Variants in FASTKD1 observed in about 807,000 individuals in gnomAD.
FASTKD1 encodes the protein FAST kinase domain-containing protein 1, mitochondrial.
In FASTKD1, 94 loss-of-function variants were observed where a neutral mutation model predicts 90.9. The observed-to-expected ratio is 1.03, with a 90% CI of 0.88 to 1.23. The LOEUF is 1.23. FASTKD1 is among the 50% of genes most tolerant of loss of function. The pLI is 0.00. For synonymous variants in FASTKD1, 319 were observed against 345.8 expected (o/e 0.92, Z 0.86); for missense variants, 945 against 993.5 (o/e 0.95, Z 0.66).
In FASTKD1 at chr2:169,569,229, G is replaced by T; in HGVS notation, c.401C>A (p.Pro134Gln). The change falls in exon 3 of 15, where the codon CCG (proline) becomes CAG (glutamine). Residue 134 changes from proline (P) to glutamine (Q), a missense_variant. Physicochemically the swap from Pro to Gln is moderately conservative, Grantham distance 76 (BLOSUM62 -1). Coordinates refer to ENST00000453153, the MANE Select transcript of FASTKD1 (RefSeq NM_024622.6). ...TTCTGTAACTAGTGCTTCAACTAGCGGGTCATGGGCCTCACCAGCAAACCT... is the reference window on the plus strand; with the variant it reads ...TTCTGTAACTAGTGCTTCAACTAGCTGGTCATGGGCCTCACCAGCAAACCT... ...TQQFAGEAHD[P>Q]LVEALVTEAW... The T allele has an allele frequency of 1.9e-6, 3 of 1,613,866 alleles. No individual in the cohort carries two copies. The highest frequency in any genetic ancestry group is 2.2e-5 in the South Asian group (2 of 91,070).
In FASTKD1 at chr2:169,571,782, GTCT is replaced by G. The variant is rs773553895; in HGVS notation, c.245_247del (p.Lys82del). On this transcript the variant is annotated inframe_deletion, in exon 2 of 15. Coordinates refer to ENST00000453153, the MANE Select transcript of FASTKD1 (RefSeq NM_024622.6). ...ATACTCAGCATTTTTTAACAGGCTG[GTCT>G]TCTGCTTTTGAAGCTTCCAAAGCAT... The G allele has an allele frequency of 1.9e-6, 3 of 1,614,080 alleles. No individual in the cohort carries two copies. The highest frequency in any genetic ancestry group is 2.2e-5 in the East Asian group (1 of 44,856).
chr2:169,533,098 C>A (rs946202918), intron 12 of FASTKD1, among the ~76,000 whole-genome samples: 1 of 152,024 alleles, frequency 6.6e-6, no homozygotes, highest in Non-Finnish European at 1.5e-5. Context: ...TTATAGTATG[C>A]CAAATCTAAC....
Position 169,528,638 on chromosome 2 carries a change from A to C in FASTKD1, c.*1187T>G, listed in dbSNP as rs1371124484. ...CTACCCCATTTCTTTGCTTCCATTT[A>C]GGAGAAAATGTATCTCCTCCCATTT... On this transcript the variant is annotated 3_prime_UTR_variant, in exon 15 of 15. Coordinates refer to ENST00000453153, the MANE Select transcript of FASTKD1 (RefSeq NM_024622.6). 6.6e-6 allele frequency among the ~76,000 whole-genome samples: 1 copy of C among 152,214 alleles called. No individual in the cohort carries two copies. Among genetic ancestry groups the C allele is most frequent in the Non-Finnish European group, 1.5e-5 (1 of 68,040 alleles).
chr2:169,546,292 T>C lies in FASTKD1; in HGVS notation c.1627A>G (p.Ile543Val), dbSNP rs776368789. ...YINVGEIASF[I>V]SSTDYLSTLL... ...GTACTGAGGTAATCAGTACTAGAAATAAAAGATGCAATCTCCCCAACATTT... is the reference window on the plus strand; with the variant it reads ...GTACTGAGGTAATCAGTACTAGAAACAAAAGATGCAATCTCCCCAACATTT... Residue 543 changes from isoleucine to valine, a missense_variant, in exon 8 of 15, where the codon ATT becomes GTT. Coordinates refer to ENST00000453153, the MANE Select transcript of FASTKD1 (RefSeq NM_024622.6). 20 of 1,613,698 alleles carry C rather than the reference T, an allele frequency of 1.2e-5. No individual in the cohort carries two copies. Among genetic ancestry groups the C allele is most frequent in the Non-Finnish European group, 1.7e-5 (20 of 1,179,874 alleles).
chr2:169,537,275 T>C lies in FASTKD1; in HGVS notation c.2140A>G (p.Ile714Val). Residue 714 changes from isoleucine to valine, a missense_variant, in exon 12 of 15, where the codon ATC becomes GTC. Transcript: ENST00000453153. ...AGAACCGAGGCTTTTACACAATTGA[T>C]TCCTCCTAGTACCTCTGCTAACATT... The part of the protein sequence containing the change: ...FKMLAEVLGG[I>V]NCVKASVLTP... 1 of 1,613,606 alleles carries C rather than the reference T, an allele frequency of 6.2e-7. No homozygotes were observed. Among genetic ancestry groups the C allele is most frequent in the South Asian group, 1.1e-5 (1 of 91,046 alleles).
chr2:169,558,208 T>A (rs1257446588), intron 5 of FASTKD1, among the ~76,000 whole-genome samples: 2 of 152,236 alleles, frequency 1.3e-5, no homozygotes, highest in East Asian at 3.8e-4. Context: ...GCACTGAGAT[T>A]TTAACAGTAC....
intron 13 of FASTKD1, chr2:169,531,143 A>C (rs1684467182): frequency 3.9e-6 from 3 of 759,786 alleles, no homozygotes; most frequent in Non-Finnish European, 7.3e-6. Context: ...TTCTTTTAGC[A>C]CTTTAGTTAG....
In FASTKD1 at chr2:169,546,434, G is replaced by C. The variant is rs766614992; in HGVS notation, c.1485C>G (p.Asn495Lys). The change falls in exon 8 of 15, where the codon AAC becomes AAG. Residue 495 changes from asparagine to lysine, a missense_variant. By Grantham distance (94) the Asn-to-Lys change is moderately conservative. Transcript: ENST00000453153. ...GTTCCTTCCGTAACAGATCCAAACT[G>C]TTGCTGTGTTGTAGTCTCTGACGAC... ...HYGRQRLQHS[N>K]SLDLLRKELK... 1.2e-6 allele frequency: 2 copies of C among 1,614,048 alleles called. No homozygotes were observed. Among genetic ancestry groups the C allele is most frequent in the Non-Finnish European group, 1.7e-6 (2 of 1,180,036 alleles).
intron 2 of FASTKD1, among the ~76,000 whole-genome samples, chr2:169,570,190 TCAGTGAGA>T (rs1354329576): frequency 6.6e-6 from 1 of 152,214 alleles, no homozygotes; most frequent in Non-Finnish European, 1.5e-5. Flanking sequence ...CTCTTTTTCA[TCAGTGAGA>T]CTAATAAACA....
chr2:169,562,255 C>G (rs528668725), intron 4 of FASTKD1, among the ~76,000 whole-genome samples: 1 of 150,126 alleles, frequency 6.7e-6, no homozygotes, highest in Admixed American at 6.7e-5. Context: ...TGTTTTGAGA[C>G]AGAGTCTTGC....
chr2:169,573,283 T>A (rs993534035), intron 1 of FASTKD1: 4 of 152,274 alleles, frequency 2.6e-5, no homozygotes, highest in African/African-American at 9.7e-5. Context: ...GTCACAAACC[T>A]GCACAAGAAA....
chr2:169,569,307 C>T (rs1400268950), intron 2 of FASTKD1, 55 bp from the exon 3 acceptor site: 6 of 1,489,750 alleles, frequency 4.0e-6, no homozygotes, highest in Admixed American at 1.7e-5. Context: ...TCATTAAAAA[C>T]ATATGCAATA....
At position 169,561,751 on chromosome 2, in the gene FASTKD1, A is replaced by C. The variant is rs1005628059; in HGVS notation, c.573-966T>G. Among the ~76,000 whole-genome samples, 81 of 136,768 alleles carry C rather than the reference A, an allele frequency of 5.9e-4. 1 individual carries two copies. The highest frequency in any genetic ancestry group is 8.9e-4 in the Non-Finnish European group (56 of 62,966). 89.7% of individuals were successfully genotyped at this position (136,768 alleles called of 152,430 possible). On this transcript the variant is annotated intron_variant, in intron 4 of 14. Transcript: ENST00000453153. ...TATTATAAATTAATTATTCATTATA[A>C]ATTATTTATTAATTTATTGTAAATT...
intron 5 of FASTKD1, among the ~76,000 whole-genome samples, chr2:169,558,585 G>C (rs1015809128): frequency 5.9e-5 from 9 of 152,244 alleles, no homozygotes; most frequent in African/African-American, 2.2e-4. Context: ...AAGTAGCTGA[G>C]ATTACAGGTG....
chr2:169,528,549 AG>A lies in FASTKD1; in HGVS notation c.*1275del, dbSNP rs1247278661. Among the ~76,000 whole-genome samples the A allele has an allele frequency of 2.0e-5, 3 of 152,162 alleles. No individual in the cohort carries two copies. Among genetic ancestry groups the A allele is most frequent in the Non-Finnish European group, 2.9e-5 (2 of 68,032 alleles). ...TTATTGAATAAATGTGTTGTAAGAC[AG>A]GGAGAAGCCATTATTCCCTCAATGT... is the stretch of plus-strand genomic sequence containing the variant. On this transcript the variant is annotated 3_prime_UTR_variant, in exon 15 of 15. Coordinates refer to ENST00000453153, the MANE Select transcript of FASTKD1 (RefSeq NM_024622.6).
chr2:169,534,457 T>A (rs545385508), intron 12 of FASTKD1, among the ~76,000 whole-genome samples: 1 of 146,792 alleles, frequency 6.8e-6, no homozygotes, highest in African/African-American at 2.6e-5. Flanking sequence ...GTTGTTTTTT[T>A]TTTTTCTTTT....
At chr2:169,553,847 G>C (rs373629453) in intron 7 of FASTKD1, among the ~76,000 whole-genome samples, 1 of 152,060 alleles carries the variant, frequency 6.6e-6, no homozygotes, top group African/African-American at 2.4e-5. Context: ...GCGTGAACCC[G>C]GGTGGCAGAG....
At chr2:169,551,252 C>G (rs1189043063) in intron 7 of FASTKD1, among the ~76,000 whole-genome samples, 2 of 152,130 alleles carry the variant, frequency 1.3e-5, no homozygotes, top group African/African-American at 4.8e-5. Context: ...TGAGGACATG[C>G]ATACCCTATG....
In FASTKD1 at chr2:169,554,278, T is replaced by TA. The variant is rs58641456; in HGVS notation, c.1214+845dup. Among the ~76,000 whole-genome samples, 33 of 29,812 alleles carry TA rather than the reference T, an allele frequency of 1.1e-3. 2 individuals are homozygous for TA. Among genetic ancestry groups the TA allele is most frequent in the African/African-American group, 3.0e-3 (18 of 6,076 alleles). 19.6% of individuals were successfully genotyped at this position (29,812 alleles called of 152,430 possible). A position where few individuals can be genotyped will look rare whatever the true frequency, so the allele number is the denominator to read the frequency against. On this transcript the variant is annotated intron_variant, in intron 7 of 14. Coordinates refer to ENST00000453153, the MANE Select transcript of FASTKD1 (RefSeq NM_024622.6). ...AGGGGACAGAGTGAGACCCTGTCTCTAAAAAAAAAAAAAAAAAAAAAAAAA... is the reference window on the plus strand; with the variant it reads ...AGGGGACAGAGTGAGACCCTGTCTCTAAAAAAAAAAAAAAAAAAAAAAAAAA...
Sources: allele counts gnomAD v4.1 joint callset (sites outside exome capture counted in the v4.1 genomes callset), GRCh38; gene constraint gnomAD v4.1.1; transcripts MANE v1.5; gene names NCBI Gene and HGNC (gene_info 2026-07-23, HGNC 2026-07-21).